REDIC1: variants seen among roughly 807,000 people sequenced by gnomAD.
REDIC1 encodes the protein regulator of DNA class I crossover intermediates 1, also known as HEI10 Interacting Protein 1.
chr12:39,680,762 A>G, the REDIC1 span, among the ~76,000 whole-genome samples: 1 of 90,208 alleles, frequency 1.1e-5, no homozygotes, highest in African/African-American at 3.6e-5. Flanking sequence ...TGAAGAAAAT[A>G]CATACGCACA....
chr12:39,869,216 TGAGGGTCACACTG>T, the REDIC1 span, among the ~76,000 whole-genome samples: 4 of 151,908 alleles, frequency 2.6e-5, no homozygotes, highest in Non-Finnish European at 5.9e-5. Flanking sequence ...CAATTGTGAG[TGAGGGTCACACTG>T]GAGTAATACT....
the REDIC1 span, among the ~76,000 whole-genome samples, chr12:39,888,523 C>G: frequency 6.6e-6 from 1 of 152,232 alleles, no homozygotes; most frequent in Non-Finnish European, 1.5e-5. Context: ...CTGTGTCCAG[C>G]CCATTCTAAG....
the REDIC1 span, among the ~76,000 whole-genome samples, chr12:39,902,979 A>T: frequency 6.6e-6 from 1 of 152,238 alleles, no homozygotes; most frequent in East Asian, 1.9e-4. Context: ...GTTCATAAAA[A>T]GCTAATCTCC....
chr12:39,845,600 C>A, the REDIC1 span, among the ~76,000 whole-genome samples: 1 of 152,060 alleles, frequency 6.6e-6, no homozygotes, highest in Non-Finnish European at 1.5e-5. Flanking sequence ...AAACAATCAG[C>A]CCCTGGAGCC....
the REDIC1 span, among the ~76,000 whole-genome samples, chr12:39,651,637 G>T: frequency 6.6e-6 from 1 of 152,024 alleles, no homozygotes; most frequent in Admixed American, 6.6e-5. Flanking sequence ...GTTTGTATGG[G>T]TTCCATCCCA....
At chr12:39,774,264 G>T in the REDIC1 span, among the ~76,000 whole-genome samples, 1 of 152,262 alleles carries the variant, frequency 6.6e-6, no homozygotes, top group East Asian at 1.9e-4. Flanking sequence ...CAGAGATTTA[G>T]GATGGTGTAA....
the REDIC1 span, among the ~76,000 whole-genome samples, chr12:39,883,437 G>A: frequency 6.6e-6 from 1 of 152,144 alleles, no homozygotes; most frequent in East Asian, 1.9e-4. Flanking sequence ...ATACAAACTA[G>A]TCTTTTCTTC....
the REDIC1 span, among the ~76,000 whole-genome samples, chr12:39,866,534 A>G: frequency 6.6e-6 from 1 of 152,000 alleles, no homozygotes; most frequent in African/African-American, 2.4e-5. Flanking sequence ...GTTGGAGTGC[A>G]GTGGCGCGAT....
At chr12:39,710,904 T>C in the REDIC1 span, among the ~76,000 whole-genome samples, 1 of 151,550 alleles carries the variant, frequency 6.6e-6, no homozygotes, top group Non-Finnish European at 1.5e-5. Flanking sequence ...TTTTTTTTAA[T>C]TTTTACCACA....
the REDIC1 span, among the ~76,000 whole-genome samples, chr12:39,863,023 T>C: frequency 6.6e-6 from 1 of 152,164 alleles, no homozygotes; most frequent in Non-Finnish European, 1.5e-5. Flanking sequence ...TACTGTCAAA[T>C]TCCCACAAAG....
At chr12:39,884,501 T>C in the REDIC1 span, among the ~76,000 whole-genome samples, 3 of 152,110 alleles carry the variant, frequency 2.0e-5, no homozygotes, top group African/African-American at 7.2e-5. Context: ...GACATTTTCA[T>C]AGAAAATAAG....
chr12:39,717,621 G>T, the REDIC1 span, among the ~76,000 whole-genome samples: 1 of 151,934 alleles, frequency 6.6e-6, no homozygotes, highest in African/African-American at 2.4e-5. Context: ...GTAACTTATG[G>T]AAATACATCG....
chr12:39,770,663 T>C, the REDIC1 span, among the ~76,000 whole-genome samples: 16 of 152,294 alleles, frequency 1.1e-4, no homozygotes, highest in East Asian at 2.3e-3. Context: ...ATGCTTAGCA[T>C]ACTGCCTGGC....
At chr12:39,799,426 C>T in the REDIC1 span, among the ~76,000 whole-genome samples, 1 of 143,610 alleles carries the variant, frequency 7.0e-6, no homozygotes. Context: ...GTTCTTTAAT[C>T]TCAACCATTA....
chr12:39,702,995 C>G, the REDIC1 span, among the ~76,000 whole-genome samples: 1 of 152,190 alleles, frequency 6.6e-6, no homozygotes, highest in African/African-American at 2.4e-5. Flanking sequence ...TGGGCAAAAA[C>G]TGGAAGCATT....
At chr12:39,766,311 C>T in the REDIC1 span, among the ~76,000 whole-genome samples, 1 of 152,066 alleles carries the variant, frequency 6.6e-6, no homozygotes, top group East Asian at 1.9e-4. Flanking sequence ...TTTGGTTTCC[C>T]ACTACATATA....
the REDIC1 span, among the ~76,000 whole-genome samples, chr12:39,713,101 A>G: frequency 1.1e-4 from 16 of 148,980 alleles, no homozygotes; most frequent in African/African-American, 3.2e-4. Flanking sequence ...AGATATGTGC[A>G]TATACGTATA....
At chr12:39,720,753 A>G in the REDIC1 span, 2 of 1,479,624 alleles carry the variant, frequency 1.4e-6, no homozygotes, top group Non-Finnish European at 1.9e-6. Context: ...AAATGTAAGC[A>G]TGGTTTAGAG....
chr12:39,761,356 T>TGA, the REDIC1 span, among the ~76,000 whole-genome samples: 2 of 151,948 alleles, frequency 1.3e-5, no homozygotes, highest in Non-Finnish European at 2.9e-5. Flanking sequence ...AAGAGATGGT[T>TGA]GAGAGAGAGA....
Sources: allele counts gnomAD v4.1 joint callset (sites outside exome capture counted in the v4.1 genomes callset), GRCh38; gene constraint gnomAD v4.1.1; transcripts MANE v1.5; gene names NCBI Gene and HGNC (gene_info 2026-07-23, HGNC 2026-07-21).